OR5A2: variants seen among roughly 807,000 people sequenced by gnomAD.
OR5A2 encodes the protein olfactory receptor family 5 subfamily A member 2, also known as olfactory receptor 5A2.
For missense variants in OR5A2, 406 were observed against 398.9 expected (o/e 1.02, Z -0.15); for synonymous variants, 155 against 151.1 (o/e 1.03, Z -0.19).
chr11:59,420,105 A>G lies in OR5A2; in HGVS notation c.*1874T>C, dbSNP rs1858204479. The G allele has an allele frequency of 6.6e-6, 1 of 152,178 alleles. No homozygotes were observed. The highest frequency in any genetic ancestry group is 1.5e-5 in the Non-Finnish European group (1 of 68,028). 9.4% of individuals were successfully genotyped at this position (152,178 alleles called of 1,614,324 possible). A position where few individuals can be genotyped will look rare whatever the true frequency, so the allele number is the denominator to read the frequency against. On this transcript the variant is annotated 3_prime_UTR_variant, in exon 2 of 2. Transcript: ENST00000302040. ...AATAAAACCCATCTAATGAGAATTT[A>G]TGGTTTGCAGGGCATGACTCCCCAG...
rs1296225032 is a variant in OR5A2 at position 59,421,910 on chromosome 11, T to C, written c.*69A>G. Reference sequence around the variant, plus strand: ...AGCCTGATTCCCACAATTCATTCTATAGATCAACTAGTTTAAAATTATGTA... The same window carrying C: ...AGCCTGATTCCCACAATTCATTCTACAGATCAACTAGTTTAAAATTATGTA... On this transcript the variant is annotated 3_prime_UTR_variant, in exon 2 of 2. Transcript: ENST00000302040. 12 of 1,445,044 alleles carry C rather than the reference T, an allele frequency of 8.3e-6. No homozygotes were observed. The South Asian group carries it at 9.8e-5, about 12-fold the overall frequency. 89.5% of individuals were successfully genotyped at this position (1,445,044 alleles called of 1,614,324 possible).
At chr11:59,423,995 A>G (rs1461730099) in intron 1 of OR5A2, 3 of 152,276 alleles carry the variant, frequency 2.0e-5, no homozygotes, top group Non-Finnish European at 4.4e-5. Flanking sequence ...ATTTAAAGAC[A>G]GTGATAAGCA....
At chr11:59,423,489 G>A (rs1858258520) in intron 1 of OR5A2, 2 of 152,590 alleles carry the variant, frequency 1.3e-5, no homozygotes, top group African/African-American at 4.8e-5. Flanking sequence ...TGAATTTAGT[G>A]GGCTACAATT....
rs142894095 is a variant in OR5A2 at position 59,419,217 on chromosome 11, T to C, written c.*2762A>G. 3.3e-5 allele frequency: 5 copies of C among 152,278 alleles called. No individual in the cohort carries two copies. The highest frequency in any genetic ancestry group is 5.9e-5 in the Non-Finnish European group (4 of 68,014). The allele number at this position is 152,278 out of a possible 1,614,324, so 9.4% of individuals were successfully genotyped here. On this transcript the variant is annotated 3_prime_UTR_variant, in exon 2 of 2. Transcript: ENST00000302040. ...GGGTGCACCTGTTGGCTGAGACTGA[T>C]ATGTCTCAATTGGAGTGGATACCCT... is the stretch of plus-strand genomic sequence containing the variant.
Position 59,422,231 on chromosome 11 carries a change from A to G in OR5A2, c.723T>C (p.Thr241=). The G allele has an allele frequency of 1.9e-6, 3 of 1,614,160 alleles. No individual in the cohort carries two copies. Among genetic ancestry groups the G allele is most frequent in the Non-Finnish European group, 2.5e-6 (3 of 1,180,016 alleles). The change falls in exon 2 of 2, where the codon ACT becomes ACC. Residue 241 remains threonine (T), a synonymous_variant. Coordinates refer to ENST00000302040, the MANE Select transcript of OR5A2 (RefSeq NM_001001954.2). ...SATGRTKAFS[T]CASHLTAVTL... is the part of the protein sequence containing the mutation. ...TCACAGCAGTCAGGTGAGAGGCACA[A>G]GTGCTGAAGGCCTTTGTCCTACCTG...
Position 59,420,768 on chromosome 11 carries a change from G to A in OR5A2, c.*1211C>T, listed in dbSNP as rs1381727879. ...GAAAAATCATTTTCTTCAATTCTTT[G>A]GCTAAGTTCTCTTCCAGAATTAATC... On this transcript the variant is annotated 3_prime_UTR_variant, in exon 2 of 2. Transcript: ENST00000302040. 1 of 152,082 alleles carries A rather than the reference G, an allele frequency of 6.6e-6. No homozygotes were observed. The highest frequency in any genetic ancestry group is 1.5e-5 in the Non-Finnish European group (1 of 68,032). The allele number at this position is 152,082 out of a possible 1,614,324, so 9.4% of individuals were successfully genotyped here.
intron 1 of OR5A2, chr11:59,424,767 CT>C (rs1403899147): frequency 6.6e-6 from 1 of 152,196 alleles, no homozygotes; most frequent in Non-Finnish European, 1.5e-5. Flanking sequence ...TTCTGTGTCA[CT>C]TATCATATTA....
rs896169060 is a variant in OR5A2 at position 59,417,745 on chromosome 11, G to C, written c.*4234C>G. The C allele has an allele frequency of 1.3e-5, 2 of 152,052 alleles. No individual in the cohort carries two copies. Among genetic ancestry groups the C allele is most frequent in the Non-Finnish European group, 2.9e-5 (2 of 67,992 alleles). The allele number at this position is 152,052 out of a possible 1,614,324, so 9.4% of individuals were successfully genotyped here. On this transcript the variant is annotated 3_prime_UTR_variant, in exon 2 of 2. Transcript: ENST00000302040. ...CACAGAGTAGGCAAGCTCTAGGTTTGTGAAGGTTTAAGACTAGAAACATAA... is the reference window on the plus strand; with the variant it reads ...CACAGAGTAGGCAAGCTCTAGGTTTCTGAAGGTTTAAGACTAGAAACATAA...
Position 59,418,918 on chromosome 11 carries a change from A to C in OR5A2, c.*3061T>G, listed in dbSNP as rs1858189259. On this transcript the variant is annotated 3_prime_UTR_variant, in exon 2 of 2. Coordinates refer to ENST00000302040, the MANE Select transcript of OR5A2 (RefSeq NM_001001954.2). ...GATGGTAAAGATTGATAATAGCTCC[A>C]TGTAAATCCAAAGCATGAGACATTT... 1.3e-5 allele frequency: 2 copies of C among 152,168 alleles called. No homozygotes were observed. The highest frequency in any genetic ancestry group is 4.1e-4 in the South Asian group (2 of 4,836). The allele number at this position is 152,168 out of a possible 1,614,324, so 9.4% of individuals were successfully genotyped here. A position where few individuals can be genotyped will look rare whatever the true frequency, so the allele number is the denominator to read the frequency against.
At position 59,426,200 on chromosome 11, in the gene OR5A2, A is replaced by C. The variant is rs1858301845; in HGVS notation, c.-121T>G. On this transcript the variant is annotated 5_prime_UTR_variant, in exon 1 of 2. Transcript: ENST00000302040. ...TTGCATTGGGCAGAAGGGTCCTGCA[A>C]TCTTGTGCTACAAGAGAAGAAATAT... The C allele has an allele frequency of 6.6e-6, 1 of 152,202 alleles. No homozygotes were observed. The highest frequency in any genetic ancestry group is 6.5e-5 in the Admixed American group (1 of 15,274). 9.4% of individuals were successfully genotyped at this position (152,202 alleles called of 1,614,324 possible). A position where few individuals can be genotyped will look rare whatever the true frequency, so the allele number is the denominator to read the frequency against.
chr11:59,422,771 G>C lies in OR5A2; in HGVS notation c.183C>G (p.Tyr61Ter). The C allele has an allele frequency of 6.2e-7, 1 of 1,614,182 alleles. No individual in the cohort carries two copies. Among genetic ancestry groups the C allele is most frequent in the South Asian group, 1.1e-5 (1 of 91,078 alleles). ...KMDSHLHMPM[Y>*]FFLSNLSFLD... ...GGAAGGACAGGTTACTGAGGAAGAA[G>C]TACATGGGCATGTGCAGGTGAGAGT... is the stretch of plus-strand genomic sequence containing the variant. Residue 61 changes from tyrosine (Y) to a stop codon, truncating the protein, a stop_gained, in exon 2 of 2, where the codon TAC (tyrosine) becomes TAG (stop). Coordinates refer to ENST00000302040, the MANE Select transcript of OR5A2 (RefSeq NM_001001954.2). LOFTEE classifies it low-confidence loss of function (END_TRUNC).
At position 59,419,516 on chromosome 11, in the gene OR5A2, T is replaced by C. The variant is rs1274809912; in HGVS notation, c.*2463A>G. Reference sequence around the variant, plus strand: ...GTAACCATGGCCCGCAACACAGCCGTCAGAAGGTCCTGAGAATATTCGCCC... The same window carrying C: ...GTAACCATGGCCCGCAACACAGCCGCCAGAAGGTCCTGAGAATATTCGCCC... On this transcript the variant is annotated 3_prime_UTR_variant, in exon 2 of 2. Coordinates refer to ENST00000302040, the MANE Select transcript of OR5A2 (RefSeq NM_001001954.2). 6.6e-6 allele frequency: 1 copy of C among 152,122 alleles called. No individual in the cohort carries two copies. The highest frequency in any genetic ancestry group is 1.5e-5 in the Non-Finnish European group (1 of 68,018). The allele number at this position is 152,122 out of a possible 1,614,324, so 9.4% of individuals were successfully genotyped here.
In OR5A2 at chr11:59,420,282, G is replaced by T. The variant is rs571726508; in HGVS notation, c.*1697C>A. The T allele has an allele frequency of 6.6e-6, 1 of 152,230 alleles. No homozygotes were observed. The highest frequency in any genetic ancestry group is 2.1e-4 in the South Asian group (1 of 4,828). 9.4% of individuals were successfully genotyped at this position (152,230 alleles called of 1,614,324 possible). A position where few individuals can be genotyped will look rare whatever the true frequency, so the allele number is the denominator to read the frequency against. On this transcript the variant is annotated 3_prime_UTR_variant, in exon 2 of 2. Coordinates refer to ENST00000302040, the MANE Select transcript of OR5A2 (RefSeq NM_001001954.2). ...TGAAATTAATAATCTCAGATCCAAT[G>T]ACTTAAAAGTGAATATTCTTAACCC...
At chr11:59,424,824 C>T (rs1032297457) in intron 1 of OR5A2, 3 of 152,144 alleles carry the variant, frequency 2.0e-5, no homozygotes, top group Non-Finnish European at 4.4e-5. Flanking sequence ...CTAATCTCCC[C>T]TCAAATCACT....
chr11:59,422,322 G>T lies in OR5A2; in HGVS notation c.632C>A (p.Ser211Tyr), dbSNP rs374142436. ...FIVSVVVGIVSVLVVLISYGY... is the reference protein window; with the variant it reads ...FIVSVVVGIVYVLVVLISYGY... ...ATAAGAGATGAGGACCACTAGCACAGACACTATTCCAACGACAACACTGAC... is the reference window on the plus strand; with the variant it reads ...ATAAGAGATGAGGACCACTAGCACATACACTATTCCAACGACAACACTGAC... The change falls in exon 2 of 2, where the codon TCT (serine) becomes TAT (tyrosine). Residue 211 changes from serine (S) to tyrosine (Y), a missense_variant. By Grantham distance (144) the Ser-to-Tyr change is moderately radical. Transcript: ENST00000302040. The T allele has an allele frequency of 4.6e-5, 75 of 1,613,984 alleles. No individual in the cohort carries two copies. The highest frequency in any genetic ancestry group is 6.1e-5 in the Non-Finnish European group (72 of 1,180,032).
chr11:59,425,915 T>G (rs928744257), intron 1 of OR5A2: 10 of 152,200 alleles, frequency 6.6e-5, no homozygotes, highest in Non-Finnish European at 1.3e-4. Flanking sequence ...ACACATAATA[T>G]ATAATTAATC....
chr11:59,423,209 T>C (rs982652428), intron 1 of OR5A2, 165 bp from the exon 2 acceptor site: 17 of 390,428 alleles, frequency 4.4e-5, no homozygotes, highest in East Asian at 4.1e-4. Context: ...TAGAAACTGA[T>C]TGGGAGTCAG....
Position 59,422,155 on chromosome 11 carries a change from A to G in OR5A2, c.799T>C (p.Tyr267His), listed in dbSNP as rs766161862. The G allele has an allele frequency of 6.2e-7, 1 of 1,614,138 alleles. No homozygotes were observed. The highest frequency in any genetic ancestry group is 8.5e-7 in the Non-Finnish European group (1 of 1,179,984). Residue 267 changes from tyrosine (Y) to histidine (H), a missense_variant, in exon 2 of 2, where the codon TAC becomes CAC. Tyr to His is a moderately conservative substitution (Grantham distance 83). Transcript: ENST00000302040. ...FFMYMRPSSS[Y>H]SLNRDKVVSI... The stretch of plus-strand genomic sequence containing the variant: ...ACCACCTTGTCCCTGTTTAGGGAGT[A>G]GCTGGAACTGGGTCGCATGTACATG...
chr11:59,423,225 T>C, intron 1 of OR5A2, 181 bp from the exon 2 acceptor site: 1 of 358,498 alleles, frequency 2.8e-6, no homozygotes, highest in Non-Finnish European at 5.1e-6. Context: ...GTCAGAAGCC[T>C]GAGTTTTGTC....
Sources: gnomAD v4.1 joint callset for allele counts on GRCh38, gnomAD v4.1.1 for gene constraint, MANE v1.5 for transcripts, NCBI Gene and HGNC (gene_info 2026-07-23, HGNC 2026-07-21) for gene names.